ESR2: variants seen among roughly 807,000 people sequenced by gnomAD.
ESR2 encodes the protein estrogen receptor 2.
ESR2 carries 36 observed loss-of-function variants against 49.6 expected under a neutral mutation model. The observed-to-expected ratio is 0.73, with a 90% confidence interval of 0.56 to 0.96. The LOEUF (loss-of-function observed/expected upper bound fraction) is 0.96, where lower values mean the gene tolerates loss of function less well. Ranked by LOEUF, ESR2 falls within the 40% of genes least tolerant of loss-of-function variation. The pLI is 0.00. For synonymous variants in ESR2, 320 were observed against 266.1 expected (o/e 1.20, Z -1.97); for missense variants, 714 against 693.0 (o/e 1.03, Z -0.34).
chr14:64,249,146 T>A (rs751660187), intron 7 of ESR2, among the ~76,000 whole-genome samples: 9 of 152,208 alleles, frequency 5.9e-5, no homozygotes, highest in Non-Finnish European at 1.2e-4. Flanking sequence ...ATGAGCCATT[T>A]GAGGGTAGGA....
At position 64,231,495 on chromosome 14, in the gene ESR2, T is replaced by C. The variant is rs568413175; in HGVS notation, c.*1642A>G. The C allele has an allele frequency of 2.0e-5, 3 of 152,288 alleles. No homozygotes were observed. Among genetic ancestry groups the C allele is most frequent in the African/African-American group, 7.2e-5 (3 of 41,560 alleles). 9.4% of individuals were successfully genotyped at this position (152,288 alleles called of 1,614,324 possible). ...GCCTCAGAACACAGACATCAGTGTG[T>C]TCTCTAGGTACTTGTCCAAGCATTT... On this transcript the variant is annotated 3_prime_UTR_variant, in exon 9 of 9. Coordinates refer to ENST00000341099, the MANE Select transcript of ESR2 (RefSeq NM_001437.3).
chr14:64,292,732 T>A (rs2140848581), intron 1 of ESR2, among the ~76,000 whole-genome samples: 1 of 152,304 alleles, frequency 6.6e-6, no homozygotes, highest in African/African-American at 2.4e-5. Flanking sequence ...TTATAGAAAA[T>A]TTCCTTCTTA....
chr14:64,244,957 G>GATCA (rs1391796280), intron 7 of ESR2, among the ~76,000 whole-genome samples: 1 of 152,184 alleles, frequency 6.6e-6, no homozygotes, highest in Non-Finnish European at 1.5e-5. Flanking sequence ...TCCTCCTGGG[G>GATCA]ATCACTGTTG....
rs7150300 is a variant in ESR2, at chr14:64,321,332, T to A, written c.-91+16566A>T. ...AAGCAAAAAAAAAAAAAAATCTTTT[T>A]TGGGTGATGGAAATGTTCTAAACCT... On this transcript the variant is annotated intron_variant, in intron 1 of 8. Coordinates refer to the ESR2 transcript ENST00000358599. 2.0e-3 allele frequency among the ~76,000 whole-genome samples: 305 copies of A among 152,288 alleles called. 1 individual carries two copies. The highest frequency in any genetic ancestry group is 6.8e-3 in the African/African-American group (284 of 41,566).
intron 1 of ESR2, chr14:64,329,407 A>G (rs1242770359): frequency 1.3e-5 from 2 of 152,208 alleles, no homozygotes; most frequent in Non-Finnish European, 2.9e-5. Context: ...TAGCACACAG[A>G]CTAAAGCACT....
chr14:64,311,703 A>AT lies in ESR2; in HGVS notation c.-91+26194dup, dbSNP rs542829344. 5.3e-4 allele frequency among the ~76,000 whole-genome samples: 81 copies of AT among 151,578 alleles called. 2 individuals are homozygous for AT. In the South Asian group the frequency reaches 0.017, roughly 31 times the overall value. On this transcript the variant is annotated intron_variant, in intron 1 of 8. Coordinates refer to the ESR2 transcript ENST00000358599. ...GTGGTGCATGCCTGTAGTACCAGCT[A>AT]TTTGGTAGGCTGAGCAGGGGGATTG...
At position 64,282,615 on chromosome 14, in the gene ESR2, T is replaced by C. The variant is rs754334464; in HGVS notation, c.362+9A>G. Reference sequence around the variant, plus strand: ...AGCAACTATAATTCAGAATGAAGACTGGACTTACCTGTTTACAGGTAAGGT... The same window carrying C: ...AGCAACTATAATTCAGAATGAAGACCGGACTTACCTGTTTACAGGTAAGGT... On this transcript the variant is annotated intron_variant, in intron 2 of 8. Transcript: ENST00000341099. 1 of 1,579,316 alleles carries C rather than the reference T, an allele frequency of 6.3e-7. No individual in the cohort carries two copies. The highest frequency in any genetic ancestry group is 1.1e-5 in the South Asian group (1 of 87,622).
chr14:64,327,961 C>T (rs770250734), intron 1 of ESR2, among the ~76,000 whole-genome samples: 2 of 150,324 alleles, frequency 1.3e-5, no homozygotes, highest in Non-Finnish European at 2.9e-5. Context: ...AATCCCAGCA[C>T]TTTGGAAGGG....
chr14:64,279,766 G>T (rs562691276), intron 3 of ESR2, among the ~76,000 whole-genome samples: 1 of 152,160 alleles, frequency 6.6e-6, no homozygotes, highest in East Asian at 1.9e-4. Flanking sequence ...AGACCCATTC[G>T]AGTTGGCTGT....
At chr14:64,299,934 T>C (rs2978381) in intron 1 of ESR2, among the ~76,000 whole-genome samples, 78,808 of 151,962 alleles carry the variant, frequency 0.52, 22,764 homozygotes, top group African/African-American at 0.79. Context: ...CCTTTTACAT[T>C]CTCACATATT....
intron 7 of ESR2, among the ~76,000 whole-genome samples, chr14:64,237,489 G>A (rs1295227932): frequency 2.6e-5 from 4 of 152,184 alleles, no homozygotes; most frequent in Admixed American, 6.5e-5. Context: ...CTGCCATCAA[G>A]CAATACTATG....
intron 1 of ESR2, chr14:64,332,083 A>G (rs2077467206): frequency 2.0e-5 from 3 of 152,228 alleles, no homozygotes; most frequent in Admixed American, 2.0e-4. Context: ...AGAGTTTGCT[A>G]TGCCTGATCA....
intron 6 of ESR2, 49 bp from the exon 7 acceptor site, chr14:64,249,728 T>G (rs571006034): frequency 6.4e-7 from 1 of 1,553,794 alleles, no homozygotes; most frequent in East Asian, 2.3e-5. Flanking sequence ...CAGGAAACCA[T>G]CAAAAAAACA....
intron 1 of ESR2, chr14:64,332,253 T>C (rs1392441924): frequency 6.6e-6 from 1 of 152,210 alleles, no homozygotes; most frequent in Non-Finnish European, 1.5e-5. Context: ...AGTCTCTTAG[T>C]TTGAGTAAAT....
At chr14:64,324,294 C>T (rs1028515606) in intron 1 of ESR2, among the ~76,000 whole-genome samples, 3 of 151,978 alleles carry the variant, frequency 2.0e-5, no homozygotes, top group Non-Finnish European at 2.9e-5. Flanking sequence ...AATATGTACA[C>T]AGTGAAAAAA....
At chr14:64,308,595 C>T (rs766747557) in intron 1 of ESR2, among the ~76,000 whole-genome samples, 1 of 151,780 alleles carries the variant, frequency 6.6e-6, no homozygotes, top group Non-Finnish European at 1.5e-5. Context: ...AATAGTATGG[C>T]CTATTTTGAT....
At chr14:64,243,642 C>G (rs1374940753) in intron 7 of ESR2, among the ~76,000 whole-genome samples, 1 of 152,172 alleles carries the variant, frequency 6.6e-6, no homozygotes, top group Non-Finnish European at 1.5e-5. Context: ...TTAGTCTAGG[C>G]CCACTACTGA....
intron 6 of ESR2, among the ~76,000 whole-genome samples, chr14:64,255,118 T>TA (rs533628608): frequency 1.5e-3 from 226 of 152,166 alleles, no homozygotes; most frequent in Non-Finnish European, 2.6e-3. Flanking sequence ...AGTGGAGAGT[T>TA]AATTGTACTA....
At chr14:64,254,291 G>T in intron 6 of ESR2, among the ~76,000 whole-genome samples, 1 of 152,134 alleles carries the variant, frequency 6.6e-6, no homozygotes, top group East Asian at 1.9e-4. Context: ...AGTCGTAATA[G>T]AAGTCTTTAT....
Sources: allele counts gnomAD v4.1 joint callset (sites outside exome capture counted in the v4.1 genomes callset), GRCh38; gene constraint gnomAD v4.1.1; transcripts MANE v1.5; gene names NCBI Gene and HGNC (gene_info 2026-07-23, HGNC 2026-07-21).